The following TENM3 variants were observed in gnomAD, a reference collection of about 807,000 sequenced individuals.
The protein encoded by TENM3 is teneurin-3.
TENM3 carries 63 observed loss-of-function variants against 255.1 expected under a neutral mutation model. The observed-to-expected ratio is 0.25, with a 90% confidence interval of 0.20 to 0.30. TENM3 has a LOEUF of 0.30. TENM3 is among the 10% of genes least tolerant of loss of function. TENM3 has a pLI of 1.00. For missense variants in TENM3, 2,929 were observed against 3,461.1 expected (o/e 0.85, Z 3.86); for synonymous variants, 1,306 against 1,322.3 (o/e 0.99, Z 0.27).
At chr4:181,573,617 G>A in the TENM3 span, among the ~76,000 whole-genome samples, 2 of 152,096 alleles carry the variant, frequency 1.3e-5, no homozygotes, top group East Asian at 3.9e-4. Context: ...CTAATATAGT[G>A]TCACCTGGCA....
the TENM3 span, among the ~76,000 whole-genome samples, chr4:182,031,486 T>C: frequency 6.6e-6 from 1 of 152,162 alleles, no homozygotes; most frequent in Non-Finnish European, 1.5e-5. Context: ...GTCAGGGGCA[T>C]GATGCTTCCA....
rs1766749952 is a variant in TENM3 at position 182,799,564 on chromosome 4, C to T, written c.7345-32C>T. ...GGAGTGGGGAGGCTCCCGGCCGCCT[C>T]TGACGCGCCCCCTCTTTTGTTTCGC... On this transcript the variant is annotated intron_variant, in intron 27 of 27. Transcript: ENST00000511685. The surrounding 1 kb of genome is among the most constrained non-coding windows in gnomAD (Gnocchi z 4.2). 6.5e-7 allele frequency: 1 copy of T among 1,527,682 alleles called. No individual in the cohort carries two copies. Among genetic ancestry groups the T allele is most frequent in the African/African-American group, 1.4e-5 (1 of 72,506 alleles). 94.6% of individuals were successfully genotyped at this position (1,527,682 alleles called of 1,614,324 possible).
chr4:181,522,606 G>A, the TENM3 span: 2 of 480,572 alleles, frequency 4.2e-6, no homozygotes, highest in East Asian at 7.8e-5. Flanking sequence ...GACAAATCCA[G>A]CATCTATTCT....
chr4:182,614,735 A>G (rs887907143), intron 4 of TENM3, among the ~76,000 whole-genome samples: 5 of 152,154 alleles, frequency 3.3e-5, no homozygotes, highest in African/African-American at 1.2e-4. Context: ...TCTCGAAAGC[A>G]TGTTTTAAAA....
chr4:181,993,120 A>G, the TENM3 span, among the ~76,000 whole-genome samples: 1 of 152,202 alleles, frequency 6.6e-6, no homozygotes, highest in African/African-American at 2.4e-5. Flanking sequence ...TCCAATTTAT[A>G]TGAAAAATGC....
At chr4:182,590,727 C>T (rs1746546322) in intron 3 of TENM3, among the ~76,000 whole-genome samples, 2 of 149,344 alleles carry the variant, frequency 1.3e-5, no homozygotes, top group African/African-American at 4.9e-5. Flanking sequence ...TGGTGGTGCA[C>T]ACTTGTATTC....
intron 3 of TENM3, among the ~76,000 whole-genome samples, chr4:182,574,718 A>G (rs1263817457): frequency 1.3e-5 from 2 of 152,032 alleles, no homozygotes; most frequent in Non-Finnish European, 2.9e-5. Flanking sequence ...CTACCCTACT[A>G]TTGTCTCAAA....
At chr4:182,796,862 G>A in intron 27 of TENM3, 95 bp downstream of exon 27, 1 of 992,716 alleles carries the variant, frequency 1.0e-6, no homozygotes, top group Non-Finnish European at 1.4e-6. Flanking sequence ...CTGTACCAAA[G>A]ACAGTTTTTA....
At chr4:182,798,085 G>T (rs1311604862) in intron 27 of TENM3, among the ~76,000 whole-genome samples, 1 of 152,072 alleles carries the variant, frequency 6.6e-6, no homozygotes, top group Non-Finnish European at 1.5e-5. Context: ...AGGCTGGAGT[G>T]CAGCCTTGAC....
chr4:182,250,282 G>GATCTCGTGATCCACCC (rs1757932770), intron 1 of TENM3, among the ~76,000 whole-genome samples: 1 of 125,462 alleles, frequency 8.0e-6, no homozygotes, highest in African/African-American at 4.2e-5. Context: ...TCGATCTCCT[G>GATCTCGTGATCCACCC]ACCTCATGAT....
At chr4:181,465,625 G>A in the TENM3 span, among the ~76,000 whole-genome samples, 1 of 152,142 alleles carries the variant, frequency 6.6e-6, no homozygotes, top group African/African-American at 2.4e-5. Flanking sequence ...GAACTTTTAT[G>A]CTTTAAAAAG....
chr4:181,936,836 C>T, the TENM3 span, among the ~76,000 whole-genome samples: 2,499 of 151,984 alleles, frequency 0.016, 68 homozygotes, highest in African/African-American at 0.057. Context: ...GGGAGAGCAG[C>T]AGGCCCCTAT....
At chr4:181,765,316 A>T in the TENM3 span, among the ~76,000 whole-genome samples, 1 of 152,182 alleles carries the variant, frequency 6.6e-6, no homozygotes, top group Admixed American at 6.5e-5. Flanking sequence ...AGGATCTGTG[A>T]TGTGAAGTCC....
chr4:181,758,243 T>C, the TENM3 span, among the ~76,000 whole-genome samples: 1 of 152,170 alleles, frequency 6.6e-6, no homozygotes, highest in African/African-American at 2.4e-5. Flanking sequence ...ATGTATGGGA[T>C]AAAGGACAGA....
chr4:182,313,358 C>T (rs1419320964), intron 1 of TENM3, among the ~76,000 whole-genome samples: 2 of 151,640 alleles, frequency 1.3e-5, no homozygotes, highest in Non-Finnish European at 1.5e-5. Flanking sequence ...GATAATTCAT[C>T]CATGATGAGT....
At chr4:181,477,804 A>G in the TENM3 span, among the ~76,000 whole-genome samples, 1 of 152,162 alleles carries the variant, frequency 6.6e-6, no homozygotes, top group African/African-American at 2.4e-5. Context: ...CCAATTACTC[A>G]TACATATTTA....
At chr4:182,323,720 A>C (rs1472488934) in intron 1 of TENM3, among the ~76,000 whole-genome samples, 1 of 152,188 alleles carries the variant, frequency 6.6e-6, no homozygotes, top group Non-Finnish European at 1.5e-5. Flanking sequence ...CAGATACAGT[A>C]GCTTCAATAA....
the TENM3 span, among the ~76,000 whole-genome samples, chr4:181,979,530 C>T: frequency 4.6e-5 from 7 of 152,194 alleles, no homozygotes; most frequent in African/African-American, 1.7e-4. Flanking sequence ...AGAGGTGAAA[C>T]CTTGATTCCA....
chr4:182,038,129 A>C, the TENM3 span, among the ~76,000 whole-genome samples: 3 of 152,196 alleles, frequency 2.0e-5, no homozygotes, highest in African/African-American at 4.8e-5. Context: ...TGTTCATCTC[A>C]AGATAGTCTA....
Sources: allele counts gnomAD v4.1 joint callset (sites outside exome capture counted in the v4.1 genomes callset), GRCh38; gene constraint gnomAD v4.1.1; non-coding constraint Gnocchi (gnomAD v3.1); transcripts MANE v1.5; gene names NCBI Gene and HGNC (gene_info 2026-07-23, HGNC 2026-07-21).